INPP4A: variants seen among roughly 807,000 people sequenced by gnomAD.
INPP4A encodes the protein inositol polyphosphate-4-phosphatase, type I, 107kD.
In INPP4A, 33 loss-of-function variants were observed where a neutral mutation model predicts 119.8. That is an observed-to-expected ratio of 0.28 (90% CI 0.21 to 0.37). The LOEUF (loss-of-function observed/expected upper bound fraction) is 0.37. INPP4A is among the 10% of genes least tolerant of loss of function. The pLI is 1.00. For synonymous variants in INPP4A, 496 were observed against 500.7 expected (o/e 0.99, Z 0.12); for missense variants, 956 against 1,289.9 (o/e 0.74, Z 3.97).
rs1240021169 is a variant in INPP4A, at chr2:98,588,503, AT to A, written c.*903del. The stretch of plus-strand genomic sequence containing the variant: ...AAACCTAAATATTTTCAGAAAAAAA[AT>A]TTTTTTTGCAGGATTTCCAATTTAT... On this transcript the variant is annotated 3_prime_UTR_variant, in exon 25 of 25. Transcript: ENST00000409851. 12 of 214,102 alleles carry A rather than the reference AT, an allele frequency of 5.6e-5. No homozygotes were observed. Among genetic ancestry groups the A allele is most frequent in the African/African-American group, 9.0e-5 (4 of 44,254 alleles). 13.3% of individuals were successfully genotyped at this position (214,102 alleles called of 1,614,324 possible).
Position 98,447,465 on chromosome 2 carries a change from T to G in INPP4A, c.-166+2380T>G, listed in dbSNP as rs78791274. Among the ~76,000 whole-genome samples the G allele has an allele frequency of 5.2e-3, 794 of 152,358 alleles. 12 individuals are homozygous for G. The highest frequency in any genetic ancestry group is 0.018 in the African/African-American group (738 of 41,590). Reference sequence around the variant, plus strand: ...GCAGGCTTGCTTCATTTTGTCTCTGTGTTTTTAAGGAAAATACCATCATGA... The same window carrying G: ...GCAGGCTTGCTTCATTTTGTCTCTGGGTTTTTAAGGAAAATACCATCATGA... On this transcript the variant is annotated intron_variant, in intron 1 of 24. Coordinates refer to ENST00000409851, the MANE Select transcript of INPP4A (RefSeq NM_001134225.2).
At chr2:98,567,416 C>T (rs975473866) in intron 21 of INPP4A, among the ~76,000 whole-genome samples, 1 of 152,150 alleles carries the variant, frequency 6.6e-6, no homozygotes, top group African/African-American at 2.4e-5. Context: ...CTGAGGGCAC[C>T]AGCCCAGGAA....
intron 1 of INPP4A, among the ~76,000 whole-genome samples, chr2:98,495,563 T>C (rs964363195): frequency 3.9e-5 from 6 of 152,218 alleles, no homozygotes; most frequent in Admixed American, 3.9e-4. Flanking sequence ...TAAGGAGACA[T>C]AAGATATCAA....
chr2:98,489,502 C>A (rs1208782942), intron 1 of INPP4A, among the ~76,000 whole-genome samples: 2 of 152,094 alleles, frequency 1.3e-5, no homozygotes, highest in Non-Finnish European at 2.9e-5. Context: ...CAGAGGGGCC[C>A]TAGGATGCTG....
chr2:98,450,359 C>T (rs1161433187), intron 1 of INPP4A, among the ~76,000 whole-genome samples: 3 of 152,158 alleles, frequency 2.0e-5, no homozygotes, highest in African/African-American at 7.2e-5. Flanking sequence ...CCTGGATTTG[C>T]CAGTATCAAC....
chr2:98,540,152 G>A (rs1226936317), intron 10 of INPP4A, among the ~76,000 whole-genome samples: 1 of 152,080 alleles, frequency 6.6e-6, no homozygotes. Flanking sequence ...GGCTGGTCTC[G>A]AACTACTGAC....
intron 24 of INPP4A, among the ~76,000 whole-genome samples, chr2:98,581,166 T>G (rs1699245126): frequency 6.6e-6 from 1 of 152,240 alleles, no homozygotes; most frequent in East Asian, 1.9e-4. Flanking sequence ...TTCTTCATGT[T>G]CCGCTTGCTT....
At chr2:98,585,874 C>T (rs906424697) in intron 24 of INPP4A, among the ~76,000 whole-genome samples, 11 of 152,178 alleles carry the variant, frequency 7.2e-5, no homozygotes, top group East Asian at 3.8e-4. Flanking sequence ...TCGCTCCTCA[C>T]GGCAGTTTAG....
chr2:98,577,484 G>T (rs1698624949), intron 24 of INPP4A, among the ~76,000 whole-genome samples: 1 of 152,186 alleles, frequency 6.6e-6, no homozygotes, highest in African/African-American at 2.4e-5. Context: ...GCTGGCCGTG[G>T]GTGTGACTTA....
intron 23 of INPP4A, among the ~76,000 whole-genome samples, chr2:98,573,543 G>T (rs1185262255): frequency 6.6e-6 from 1 of 152,166 alleles, no homozygotes; most frequent in Non-Finnish European, 1.5e-5. Flanking sequence ...CCCTGCCTGG[G>T]CCTGAGGAGA....
intron 1 of INPP4A, among the ~76,000 whole-genome samples, chr2:98,475,029 CA>C (rs1303806522): frequency 6.6e-6 from 1 of 151,992 alleles, no homozygotes; most frequent in Non-Finnish European, 1.5e-5. Context: ...GGCCATGTCA[CA>C]ATAAGCAGAG....
At chr2:98,445,133 C>G (rs1361003739) in intron 1 of INPP4A, 48 bp downstream of exon 1, 1 of 151,146 alleles carries the variant, frequency 6.6e-6, no homozygotes, top group Non-Finnish European at 1.5e-5. Flanking sequence ...CCGCGGGGGC[C>G]GGGGCCGGGG....
chr2:98,592,138 C>G lies in INPP4A; in HGVS notation c.*4530C>G. ...TCCTGGCAGGCAGGCCCTCACAGAACTCTGCATTTGGAGATGGACAAACTC... is the reference window on the plus strand; with the variant it reads ...TCCTGGCAGGCAGGCCCTCACAGAAGTCTGCATTTGGAGATGGACAAACTC... On this transcript the variant is annotated 3_prime_UTR_variant, in exon 25 of 25. Coordinates refer to ENST00000409851, the MANE Select transcript of INPP4A (RefSeq NM_001134225.2). 6.6e-6 allele frequency: 1 copy of G among 152,276 alleles called. No homozygotes were observed. Among genetic ancestry groups the G allele is most frequent in the East Asian group, 1.9e-4 (1 of 5,204 alleles). 9.4% of individuals were successfully genotyped at this position (152,276 alleles called of 1,614,324 possible). A position where few individuals can be genotyped will look rare whatever the true frequency, so the allele number is the denominator to read the frequency against.
rs927776924 is a variant in INPP4A at position 98,591,984 on chromosome 2, A to T, written c.*4376A>T. 2.0e-5 allele frequency: 3 copies of T among 152,282 alleles called. No homozygotes were observed. In the East Asian group the frequency reaches 5.8e-4, roughly 29 times the overall value. The allele number at this position is 152,282 out of a possible 1,614,324, so 9.4% of individuals were successfully genotyped here. A position where few individuals can be genotyped will look rare whatever the true frequency, so the allele number is the denominator to read the frequency against. On this transcript the variant is annotated 3_prime_UTR_variant, in exon 25 of 25. Coordinates refer to ENST00000409851, the MANE Select transcript of INPP4A (RefSeq NM_001134225.2). ...TCTTTGGTCACTCTAAAGGGCTGCC[A>T]GCATTTCTCTTAAGCTGGGGGGAGA... is the stretch of plus-strand genomic sequence containing the variant.
At chr2:98,485,265 T>A (rs959349353) in intron 1 of INPP4A, among the ~76,000 whole-genome samples, 1 of 152,228 alleles carries the variant, frequency 6.6e-6, no homozygotes, top group African/African-American at 2.4e-5. Context: ...AAACCTGTTA[T>A]AATCATGCGG....
chr2:98,552,310 A>G (rs1420588704), intron 13 of INPP4A, among the ~76,000 whole-genome samples: 1 of 152,222 alleles, frequency 6.6e-6, no homozygotes, highest in Non-Finnish European at 1.5e-5. Flanking sequence ...CTGATTGGCC[A>G]AAAGAAAAAA....
chr2:98,527,805 C>T (rs77890068), intron 4 of INPP4A, among the ~76,000 whole-genome samples: 2,259 of 152,300 alleles, frequency 0.015, 58 homozygotes, highest in African/African-American at 0.052. Context: ...GAAGCAGTCA[C>T]TTCAGTGGCC....
intron 1 of INPP4A, among the ~76,000 whole-genome samples, chr2:98,474,728 G>A (rs899728167): frequency 1.3e-5 from 2 of 152,198 alleles, no homozygotes; most frequent in Admixed American, 6.5e-5. Context: ...GCCTAAGTGA[G>A]GTGCAGGAAT....
At chr2:98,495,225 A>T (rs1271520008) in intron 1 of INPP4A, among the ~76,000 whole-genome samples, 1 of 152,250 alleles carries the variant, frequency 6.6e-6, no homozygotes, top group East Asian at 1.9e-4. Flanking sequence ...AAAGCAGGCA[A>T]CAGAATCTTC....
Sources: allele counts gnomAD v4.1 joint callset (sites outside exome capture counted in the v4.1 genomes callset), GRCh38; gene constraint gnomAD v4.1.1; transcripts MANE v1.5; gene names NCBI Gene and HGNC (gene_info 2026-07-23, HGNC 2026-07-21).